The following CCSER2 variants were observed in gnomAD, a reference collection of about 807,000 sequenced individuals.
CCSER2 encodes the protein serine-rich coiled-coil domain-containing protein 2.
Under a neutral mutation model 92.3 loss-of-function variants are expected in CCSER2, and 46 were observed. The observed-to-expected ratio is 0.50, with a 90% CI of 0.39 to 0.64. The LOEUF (loss-of-function observed/expected upper bound fraction) is 0.64. Ranked by LOEUF, CCSER2 falls within the 30% of genes least tolerant of loss-of-function variation. The pLI, the probability that CCSER2 is intolerant of heterozygous loss-of-function variation, is 0.00. For synonymous variants in CCSER2, 433 were observed against 431.4 expected (o/e 1.00, Z -0.04); for missense variants, 1,244 against 1,238.9 (o/e 1.00, Z -0.06).
intron 6 of CCSER2, among the ~76,000 whole-genome samples, chr10:84,454,275 C>G (rs911324841): frequency 6.6e-6 from 1 of 152,156 alleles, no homozygotes; most frequent in Non-Finnish European, 1.5e-5. Context: ...GTCCAAATTT[C>G]TCCCTTCTTA....
intron 6 of CCSER2, chr10:84,456,027 A>G (rs1002649450): frequency 2.2e-5 from 11 of 497,204 alleles, no homozygotes; most frequent in Non-Finnish European, 1.2e-5. Flanking sequence ...TGCTTCTTCT[A>G]GATGTTTCTG....
intron 9 of CCSER2, among the ~76,000 whole-genome samples, chr10:84,496,653 T>C (rs1290917651): frequency 6.6e-6 from 1 of 152,176 alleles, no homozygotes; most frequent in Non-Finnish European, 1.5e-5. Flanking sequence ...GTTAGGTAGA[T>C]TACTGGATAC....
At chr10:84,494,850 C>T (rs1254823947) in intron 9 of CCSER2, among the ~76,000 whole-genome samples, 1 of 152,042 alleles carries the variant, frequency 6.6e-6, no homozygotes, top group East Asian at 1.9e-4. Context: ...TGATCCAGAC[C>T]CCAAGAGAGG....
chr10:84,367,717 T>G (rs1454813381), intron 1 of CCSER2, among the ~76,000 whole-genome samples: 1 of 152,034 alleles, frequency 6.6e-6, no homozygotes, highest in East Asian at 1.9e-4. Context: ...CTTTTTTTTT[T>G]TTTTCTTTCA....
chr10:84,384,806 AAG>A (rs1393949505), intron 3 of CCSER2, among the ~76,000 whole-genome samples: 1 of 152,216 alleles, frequency 6.6e-6, no homozygotes, highest in Non-Finnish European at 1.5e-5. Flanking sequence ...CAAATTATAA[AAG>A]AGGAAGTAAA....
At chr10:84,488,327 C>T (rs1352297773) in intron 9 of CCSER2, among the ~76,000 whole-genome samples, 1 of 152,158 alleles carries the variant, frequency 6.6e-6, no homozygotes, top group Non-Finnish European at 1.5e-5. Flanking sequence ...ACCAGCTCCT[C>T]CTTGTACCTC....
Position 84,514,198 on chromosome 10 carries a change from C to A in CCSER2, c.3075C>A (p.Gly1025=). 1 of 1,536,462 alleles carries A rather than the reference C, an allele frequency of 6.5e-7. No individual in the cohort carries two copies. Among genetic ancestry groups the A allele is most frequent in the Non-Finnish European group, 8.7e-7 (1 of 1,146,980 alleles). Residue 1025 remains glycine, a synonymous_variant, in exon 10 of 10, where the codon GGC becomes GGA. Coordinates refer to ENST00000372088, the MANE Select transcript of CCSER2 (RefSeq NM_001284240.2). The part of the protein sequence containing the change: ...QRKEIMQNPN[G]NLHSGDCLAS... ...AAGAAATCATGCAGAATCCAAATGGCAATTTGCATTCTGGGGATTGTTTGG... is the reference window on the plus strand; with the variant it reads ...AAGAAATCATGCAGAATCCAAATGGAAATTTGCATTCTGGGGATTGTTTGG...
intron 5 of CCSER2, among the ~76,000 whole-genome samples, chr10:84,436,457 A>C (rs1275697046): frequency 6.6e-6 from 1 of 151,368 alleles, no homozygotes; most frequent in East Asian, 1.9e-4. Flanking sequence ...AACACGGTAA[A>C]ACCCCGTCTG....
chr10:84,465,683 CT>C (rs1295860330), intron 7 of CCSER2, among the ~76,000 whole-genome samples: 1 of 151,892 alleles, frequency 6.6e-6, no homozygotes, highest in African/African-American at 2.4e-5. Context: ...CAATTGGTAT[CT>C]TTACTCTTTT....
chr10:84,396,366 A>G (rs1841838206), intron 3 of CCSER2, among the ~76,000 whole-genome samples: 1 of 151,460 alleles, frequency 6.6e-6, no homozygotes, highest in Admixed American at 6.6e-5. Flanking sequence ...AGATTTACTA[A>G]CTTACAATAT....
At chr10:84,473,827 G>A (rs1437037207) in intron 8 of CCSER2, among the ~76,000 whole-genome samples, 2 of 152,046 alleles carry the variant, frequency 1.3e-5, no homozygotes, top group Non-Finnish European at 2.9e-5. Context: ...TCTCTCTAGT[G>A]CTTTCTTTAT....
intron 9 of CCSER2, among the ~76,000 whole-genome samples, chr10:84,508,084 T>C (rs1333648519): frequency 6.6e-6 from 1 of 152,254 alleles, no homozygotes; most frequent in East Asian, 1.9e-4. Flanking sequence ...TATTAAATTT[T>C]AGTGCTGTAT....
chr10:84,470,004 T>A (rs1220239711), intron 7 of CCSER2, among the ~76,000 whole-genome samples: 1 of 150,400 alleles, frequency 6.6e-6, no homozygotes, highest in African/African-American at 2.4e-5. Flanking sequence ...AGTTGCTTTT[T>A]TGTATGTGAT....
chr10:84,353,175 C>T (rs901703943), intron 1 of CCSER2, among the ~76,000 whole-genome samples: 3 of 152,178 alleles, frequency 2.0e-5, no homozygotes, highest in Non-Finnish European at 4.4e-5. Flanking sequence ...AGGGCCCTGA[C>T]AGTCATGTTC....
chr10:84,461,590 G>T (rs1846104721), intron 6 of CCSER2, among the ~76,000 whole-genome samples: 1 of 150,738 alleles, frequency 6.6e-6, no homozygotes, highest in African/African-American at 2.4e-5. Context: ...CATCAATAGT[G>T]CATTTTAAAA....
chr10:84,412,040 G>T (rs1051134802), intron 3 of CCSER2, among the ~76,000 whole-genome samples: 7 of 151,968 alleles, frequency 4.6e-5, no homozygotes, highest in African/African-American at 1.7e-4. Context: ...TTTTATCGAG[G>T]GTCTTTTCTG....
At chr10:84,370,688 A>C (rs1846015510) in intron 1 of CCSER2, among the ~76,000 whole-genome samples, 1 of 152,128 alleles carries the variant, frequency 6.6e-6, no homozygotes, top group South Asian at 2.1e-4. Flanking sequence ...CCAAAATGAA[A>C]AAATTATTTG....
intron 4 of CCSER2, 125 bp downstream of exon 4, chr10:84,417,986 T>C (rs533020046): frequency 3.6e-6 from 2 of 553,258 alleles, no homozygotes; most frequent in African/African-American, 1.9e-5. Flanking sequence ...AGAATCAGTC[T>C]TAAGTGAGGT....
In CCSER2 at chr10:84,425,965, A is replaced by G. The variant is rs571564326; in HGVS notation, c.1868+72A>G. ...GAATTATAATTCTCCCTTTCCCAGA[A>G]CCCTCAAAAAACCTGTTTTTGTCTG... is the stretch of plus-strand genomic sequence containing the variant. On this transcript the variant is annotated intron_variant, in intron 5 of 9. Coordinates refer to ENST00000372088, the MANE Select transcript of CCSER2 (RefSeq NM_001284240.2). 3.4e-6 allele frequency: 4 copies of G among 1,175,514 alleles called. No homozygotes were observed. In the South Asian group the frequency reaches 1.0e-4, roughly 30 times the overall value. The allele number at this position is 1,175,514 out of a possible 1,614,324, so 72.8% of individuals were successfully genotyped here.
Sources: gnomAD v4.1 joint callset for allele counts (sites outside exome capture counted in the v4.1 genomes callset) on GRCh38, gnomAD v4.1.1 for gene constraint, MANE v1.5 for transcripts, NCBI Gene and HGNC (gene_info 2026-07-23, HGNC 2026-07-21) for gene names.